PLEKHA5: variants seen among roughly 807,000 people sequenced by gnomAD.
PLEKHA5 encodes the protein pleckstrin homology domain-containing family A member 5.
In PLEKHA5, 55 loss-of-function variants were observed where a neutral mutation model predicts 181.9. That is an observed-to-expected ratio of 0.30 (90% confidence interval 0.24 to 0.38). PLEKHA5 has a LOEUF of 0.38. PLEKHA5 is among the 10% of genes least tolerant of loss of function. The probability of loss-of-function intolerance (pLI) is 1.00; values close to 1 mark genes in which losing one functional copy is unlikely to be tolerated. For synonymous variants in PLEKHA5, 535 were observed against 529.4 expected, an observed-to-expected ratio of 1.01 and a Z score of -0.15; for missense variants, 1,432 against 1,549.5, an observed-to-expected ratio of 0.92 and a Z score of 1.27.
intron 3 of PLEKHA5, chr12:19,237,042 A>T (rs577394834): frequency 6.6e-6 from 1 of 152,200 alleles, no homozygotes; most frequent in African/African-American, 2.4e-5. Context: ...CTGGTGAGTA[A>T]TTCTTGTTAC....
chr12:19,333,884 C>G lies in PLEKHA5; in HGVS notation c.2449-2631C>G, dbSNP rs1472922928. Among the ~76,000 whole-genome samples the G allele has an allele frequency of 2.6e-5, 4 of 152,100 alleles. No individual in the cohort carries two copies. In the East Asian group the frequency reaches 7.8e-4, roughly 30 times the overall value. ...TCAGCCTCCCAGAGTGCTGAGATTA[C>G]AGGCGTGAGCCACCGCACCTGGCCT... On this transcript the variant is annotated intron_variant, in intron 20 of 31. Transcript: ENST00000429027.
At chr12:19,145,844 G>A (rs2038791521) in intron 3 of PLEKHA5, among the ~76,000 whole-genome samples, 1 of 152,130 alleles carries the variant, frequency 6.6e-6, no homozygotes, top group Admixed American at 6.5e-5. Context: ...TTGGTAAGTT[G>A]TAGTAAGATC....
intron 20 of PLEKHA5, among the ~76,000 whole-genome samples, chr12:19,334,829 A>AAAAAAAAAAAAATATATATATATATATAT: frequency 1.1e-4 from 2 of 18,598 alleles, no homozygotes; most frequent in Non-Finnish European, 2.9e-4. Flanking sequence ...AAAAAAAAAA[A>AAAAAAAAAAAAATATATATATATATATAT]ATATATATAT....
chr12:19,265,788 C>T lies in PLEKHA5; in HGVS notation c.649C>T (p.Pro217Ser). The T allele has an allele frequency of 6.2e-7, 1 of 1,600,396 alleles. No individual in the cohort carries two copies. The highest frequency in any genetic ancestry group is 8.6e-7 in the Non-Finnish European group (1 of 1,168,746). The change falls in exon 8 of 32, where the codon CCT becomes TCT. Residue 217 changes from proline (P) to serine (S), a missense_variant. By Grantham distance (74) the Pro-to-Ser change is moderately conservative (BLOSUM62 -1). Around this residue, in one of 2 missense-constraint regions of PLEKHA5, gnomAD observed 289 missense variants for 381.1 expected, o/e 0.76. Coordinates refer to ENST00000429027, the MANE Select transcript of PLEKHA5 (RefSeq NM_001256470.2). ...EEGILGSILL[P>S]SFQIALLTSE... is the part of the protein sequence containing the mutation. ...GGGTATCCTGGGAAGCATACTGTTA[C>T]CTAGTTTTCAGATAGCTTTGCTTAC...
chr12:19,250,896 T>G (rs2065101696), intron 3 of PLEKHA5, among the ~76,000 whole-genome samples: 1 of 151,998 alleles, frequency 6.6e-6, no homozygotes, highest in African/African-American at 2.4e-5. Flanking sequence ...ACGCAGGGCT[T>G]GGGGGGAAAA....
intron 5 of PLEKHA5, among the ~76,000 whole-genome samples, chr12:19,255,525 T>A (rs1336013296): frequency 2.6e-5 from 4 of 151,878 alleles, no homozygotes; most frequent in African/African-American, 7.2e-5. Flanking sequence ...TAGTATATTA[T>A]GTTTATTGTA....
intron 3 of PLEKHA5, among the ~76,000 whole-genome samples, chr12:19,181,445 A>T (rs1300641842): frequency 6.6e-6 from 1 of 152,228 alleles, no homozygotes; most frequent in African/African-American, 2.4e-5. Context: ...CTGAAAAAAC[A>T]TTAATGTGGC....
chr12:19,333,046 C>G (rs2093002588), intron 20 of PLEKHA5, among the ~76,000 whole-genome samples: 1 of 152,144 alleles, frequency 6.6e-6, no homozygotes, highest in Non-Finnish European at 1.5e-5. Context: ...TTGAAAGAAT[C>G]CATTCAGGCG....
At chr12:19,202,031 C>T in intron 3 of PLEKHA5, 4 of 966,776 alleles carry the variant, frequency 4.1e-6, no homozygotes, top group Non-Finnish European at 4.9e-6. Context: ...ACTTTTTGTT[C>T]GTTCTTAATT....
intron 5 of PLEKHA5, among the ~76,000 whole-genome samples, chr12:19,256,419 G>A (rs1411395881): frequency 1.3e-5 from 2 of 152,102 alleles, no homozygotes; most frequent in African/African-American, 2.4e-5. Context: ...AGATAGATAG[G>A]CACACACATA....
chr12:19,227,584 T>C (rs950492034), intron 3 of PLEKHA5, among the ~76,000 whole-genome samples: 1 of 152,230 alleles, frequency 6.6e-6, no homozygotes, highest in Non-Finnish European at 1.5e-5. Flanking sequence ...GCTCTCATTA[T>C]GTCCAGAAGG....
chr12:19,281,622 G>A (rs181667583), intron 11 of PLEKHA5, among the ~76,000 whole-genome samples: 160 of 151,036 alleles, frequency 1.1e-3, no homozygotes, highest in Middle Eastern at 3.5e-3. Context: ...CTAACTTTAC[G>A]TAGAGTTTTT....
intron 3 of PLEKHA5, among the ~76,000 whole-genome samples, chr12:19,139,197 G>A (rs1382948627): frequency 6.6e-6 from 1 of 152,126 alleles, no homozygotes; most frequent in Non-Finnish European, 1.5e-5. Context: ...GAGGTCAAAA[G>A]CTCCTCAAAG....
At chr12:19,201,723 T>A (rs1164514047) in intron 3 of PLEKHA5, 1 of 152,124 alleles carries the variant, frequency 6.6e-6, no homozygotes, top group Non-Finnish European at 1.5e-5. Context: ...GACTACACAT[T>A]GTATAATTCC....
chr12:19,308,869 G>T (rs949749541), intron 15 of PLEKHA5, among the ~76,000 whole-genome samples: 1 of 138,532 alleles, frequency 7.2e-6, no homozygotes, highest in Admixed American at 7.1e-5. Flanking sequence ...CTAACATGGC[G>T]AAACCTTGTC....
chr12:19,355,547 C>T (rs759500298), intron 26 of PLEKHA5, among the ~76,000 whole-genome samples: 68 of 151,244 alleles, frequency 4.5e-4, no homozygotes, highest in Non-Finnish European at 6.8e-4. Flanking sequence ...TTAGTAGTGA[C>T]GGGGTCTCTC....
chr12:19,170,506 A>G (rs1591909064), intron 3 of PLEKHA5, among the ~76,000 whole-genome samples: 1 of 151,484 alleles, frequency 6.6e-6, no homozygotes, highest in Non-Finnish European at 1.5e-5. Flanking sequence ...CACTCCTGCA[A>G]CCTCTGCCTC....
intron 3 of PLEKHA5, among the ~76,000 whole-genome samples, chr12:19,233,151 C>T (rs1273023207): frequency 6.6e-6 from 1 of 152,030 alleles, no homozygotes; most frequent in Non-Finnish European, 1.5e-5. Context: ...ATTAGTGTTA[C>T]TTTGGTTTTT....
chr12:19,182,349 T>C (rs1008965297), intron 3 of PLEKHA5, among the ~76,000 whole-genome samples: 4 of 152,230 alleles, frequency 2.6e-5, no homozygotes, highest in Non-Finnish European at 4.4e-5. Context: ...TTGATTGTGC[T>C]GTATTCTCAT....
Sources: allele counts gnomAD v4.1 joint callset (sites outside exome capture counted in the v4.1 genomes callset), GRCh38; gene constraint gnomAD v4.1.1; regional missense constraint gnomAD v4.1.1; transcripts MANE v1.5; gene names NCBI Gene and HGNC (gene_info 2026-07-23, HGNC 2026-07-21).